The following LRMDA variants were observed in gnomAD, a reference collection of about 807,000 sequenced individuals.
The protein encoded by LRMDA is leucine rich melanocyte differentiation associated, also known as leucine-rich melanocyte differentiation-associated protein.
LRMDA carries 18 observed loss-of-function variants against 29.8 expected under a neutral mutation model. That is an observed-to-expected ratio of 0.60 (90% CI 0.42 to 0.90). The LOEUF is 0.90. Among genes scored for constraint, LRMDA ranks in the 40% least tolerant of loss-of-function variants. LRMDA has a pLI of 0.00. For synonymous variants in LRMDA, 125 were observed against 109.4 expected (o/e 1.14, Z -0.89); for missense variants, 273 against 273.9 (o/e 1.00, Z 0.02).
At chr10:76,145,562 C>T (rs1381196987) in intron 5 of LRMDA, among the ~76,000 whole-genome samples, 1 of 151,968 alleles carries the variant, frequency 6.6e-6, no homozygotes, top group African/African-American at 2.4e-5. Flanking sequence ...TTTATTGCGT[C>T]TATTTGATTC....
At chr10:75,730,667 G>T (rs745937823) in intron 2 of LRMDA, among the ~76,000 whole-genome samples, 4 of 152,090 alleles carry the variant, frequency 2.6e-5, no homozygotes, top group Non-Finnish European at 4.4e-5. Flanking sequence ...AGAACCTGCT[G>T]GTTGTTCCCC....
intron 2 of LRMDA, among the ~76,000 whole-genome samples, chr10:76,034,165 C>T (rs74147629): frequency 0.085 from 12,880 of 152,052 alleles, 772 homozygotes; most frequent in East Asian, 0.24. Context: ...CCTAGATGTG[C>T]GTACATTGTG....
intron 6 of LRMDA, among the ~76,000 whole-genome samples, chr10:76,482,456 T>C (rs1455809129): frequency 5.9e-5 from 9 of 151,968 alleles, no homozygotes; most frequent in Admixed American, 5.9e-4. Context: ...ATGTATTCTT[T>C]TTGTCTGGAT....
At chr10:76,363,145 G>GAAAC (rs1211997375) in intron 6 of LRMDA, among the ~76,000 whole-genome samples, 1 of 35,450 alleles carries the variant, frequency 2.8e-5, no homozygotes, top group Non-Finnish European at 5.5e-5. Context: ...AAGAAAGAAA[G>GAAAC]AAAGAAAGAA....
At chr10:75,640,827 T>A (rs1408066664) in intron 2 of LRMDA, among the ~76,000 whole-genome samples, 1 of 152,108 alleles carries the variant, frequency 6.6e-6, no homozygotes, top group Non-Finnish European at 1.5e-5. Context: ...TATTTTATAT[T>A]TTTTTCCCCC....
intron 2 of LRMDA, among the ~76,000 whole-genome samples, chr10:75,969,384 T>G (rs1337762408): frequency 6.6e-6 from 1 of 152,206 alleles, no homozygotes; most frequent in Non-Finnish European, 1.5e-5. Context: ...CTCAAAGAAT[T>G]TTCACATGTG....
At chr10:75,552,508 C>G (rs373746623) in intron 2 of LRMDA, 1 of 478,178 alleles carries the variant, frequency 2.1e-6, no homozygotes, top group Non-Finnish European at 4.4e-6. Context: ...GCCATCCACC[C>G]CATCATAGTA....
intron 2 of LRMDA, among the ~76,000 whole-genome samples, chr10:75,844,574 C>T (rs1844600046): frequency 6.6e-6 from 1 of 152,202 alleles, no homozygotes; most frequent in Non-Finnish European, 1.5e-5. Flanking sequence ...GAAACACAGG[C>T]ACAGTGCCTT....
intron 2 of LRMDA, among the ~76,000 whole-genome samples, chr10:75,527,727 A>T (rs1472695296): frequency 6.8e-6 from 1 of 147,394 alleles, no homozygotes; most frequent in Non-Finnish European, 1.5e-5. Flanking sequence ...TAATATAATT[A>T]TATAATAATT....
intron 2 of LRMDA, among the ~76,000 whole-genome samples, chr10:75,711,782 T>C (rs1238796081): frequency 6.6e-6 from 1 of 152,102 alleles, no homozygotes; most frequent in African/African-American, 2.4e-5. Context: ...TTTAAAATAG[T>C]TTTGTTGCTA....
rs992260275 is a variant in LRMDA, at chr10:75,751,099, C to T, written c.132-284909C>T. On this transcript the variant is annotated intron_variant, in intron 2 of 6. Transcript: ENST00000611255. ...GAGTCTGAGGCGGGCAGATCACTCG[C>T]GGTCAGGAGCTGGAGACCAGTCCGG... Among the ~76,000 whole-genome samples, 4 of 152,190 alleles carry T rather than the reference C, an allele frequency of 2.6e-5. No homozygotes were observed. In the East Asian group the frequency reaches 5.8e-4, roughly 22 times the overall value.
In LRMDA at chr10:76,102,869, C is replaced by CTT. The variant is rs546628840; in HGVS notation, c.516+44088_516+44089dup. On this transcript the variant is annotated intron_variant, in intron 5 of 6. Coordinates refer to ENST00000611255, the MANE Select transcript of LRMDA (RefSeq NM_001305581.2). ...AGGGTCCTCTGTTGCCCAGGCTGGC[C>CTT]TTTAACTCTTGGGTTCAAGCAGTCC... is the stretch of plus-strand genomic sequence containing the variant. 4.3e-3 allele frequency among the ~76,000 whole-genome samples: 653 copies of CTT among 152,176 alleles called. 2 individuals carry two copies. The highest frequency in any genetic ancestry group is 0.015 in the African/African-American group (628 of 41,530).
intron 6 of LRMDA, among the ~76,000 whole-genome samples, chr10:76,330,167 G>A (rs1564726072): frequency 6.6e-6 from 1 of 152,114 alleles, no homozygotes; most frequent in Non-Finnish European, 1.5e-5. Flanking sequence ...AGAATGATGC[G>A]ATACTTTTCC....
intron 2 of LRMDA, among the ~76,000 whole-genome samples, chr10:75,675,342 G>A (rs1268992569): frequency 6.6e-6 from 1 of 152,146 alleles, no homozygotes; most frequent in Non-Finnish European, 1.5e-5. Flanking sequence ...TTCTTCAAAA[G>A]TCCTTTCCTA....
At chr10:76,112,691 T>G (rs546696740) in intron 5 of LRMDA, among the ~76,000 whole-genome samples, 1 of 116 alleles carries the variant, frequency 8.6e-3, no homozygotes, top group Non-Finnish European at 0.019. Flanking sequence ...ACTAGGTAGG[T>G]CCGGCTCCCG....
intron 5 of LRMDA, among the ~76,000 whole-genome samples, chr10:76,194,417 A>G (rs1851299023): frequency 1.3e-5 from 2 of 152,174 alleles, no homozygotes; most frequent in South Asian, 4.1e-4. Context: ...CTGTTTGGGT[A>G]TCCGGGTACA....
At position 76,447,125 on chromosome 10, in the gene LRMDA, C is replaced by G. The variant is rs547841197; in HGVS notation, c.602-110084C>G. Reference sequence around the variant, plus strand: ...ATTTCCTCACTACTGCCTTCCAGTTCACTAGTGTTCTCTTTAACCATGGAA... The same window carrying G: ...ATTTCCTCACTACTGCCTTCCAGTTGACTAGTGTTCTCTTTAACCATGGAA... On this transcript the variant is annotated intron_variant, in intron 6 of 6. Coordinates refer to ENST00000611255, the MANE Select transcript of LRMDA (RefSeq NM_001305581.2). 2.0e-5 allele frequency among the ~76,000 whole-genome samples: 3 copies of G among 151,788 alleles called. No individual in the cohort carries two copies. In the East Asian group the frequency reaches 5.8e-4, roughly 29 times the overall value.
chr10:76,077,991 CATT>C (rs1848986159), intron 5 of LRMDA, among the ~76,000 whole-genome samples: 8 of 83,432 alleles, frequency 9.6e-5, no homozygotes, highest in African/African-American at 3.2e-4. Flanking sequence ...GCAATATTAA[CATT>C]TTTTTTTTTT....
chr10:75,880,927 C>A (rs542335236), intron 2 of LRMDA, among the ~76,000 whole-genome samples: 1 of 152,304 alleles, frequency 6.6e-6, no homozygotes, highest in Admixed American at 6.5e-5. Flanking sequence ...AACGCAGGAA[C>A]AGCAGGTTCA....
Sources: allele counts gnomAD v4.1 joint callset (sites outside exome capture counted in the v4.1 genomes callset), GRCh38; gene constraint gnomAD v4.1.1; transcripts MANE v1.5; gene names NCBI Gene and HGNC (gene_info 2026-07-23, HGNC 2026-07-21).